The following DOCK1 variants were observed in gnomAD, a reference collection of about 807,000 sequenced individuals.
DOCK1 encodes the protein dedicator of cytokinesis protein 1.
DOCK1 carries 138 observed loss-of-function variants against 262.7 expected under a neutral mutation model. The ratio of observed to expected loss-of-function variants is 0.53; its 90% CI spans 0.46 to 0.61. The LOEUF (loss-of-function observed/expected upper bound fraction) is 0.61, where lower values mean the gene tolerates loss of function less well. Ranked by LOEUF, DOCK1 falls within the 20% of genes least tolerant of loss-of-function variation. The pLI, the probability that DOCK1 is intolerant of heterozygous loss-of-function variation, is 0.00. For synonymous variants in DOCK1, 866 were observed against 867.4 expected, an observed-to-expected ratio of 1.00 and a Z score of 0.03; for missense variants, 1,908 against 2,370.7, an observed-to-expected ratio of 0.80 and a Z score of 4.05.
intron 46 of DOCK1, among the ~76,000 whole-genome samples, chr10:127,424,539 T>C (rs1188400204): frequency 6.6e-6 from 1 of 152,148 alleles, no homozygotes; most frequent in African/African-American, 2.4e-5. Context: ...TGCCTTTGCA[T>C]CCAGAGAGAG....
chr10:127,190,152 C>T (rs2056611359), intron 27 of DOCK1, among the ~76,000 whole-genome samples: 1 of 152,236 alleles, frequency 6.6e-6, no homozygotes, highest in South Asian at 2.1e-4. Flanking sequence ...AATTCAAAGA[C>T]ATTCTTTCTC....
intron 23 of DOCK1, among the ~76,000 whole-genome samples, chr10:127,075,168 T>TAAAAAAAAA (rs1405133567): frequency 3.9e-5 from 1 of 25,972 alleles, no homozygotes; most frequent in Non-Finnish European, 5.8e-5. Flanking sequence ...AAACTCTGTC[T>TAAAAAAAAA]CAAAAAAAAA....
intron 29 of DOCK1, among the ~76,000 whole-genome samples, chr10:127,295,575 A>G (rs113864176): frequency 7.9e-5 from 12 of 152,196 alleles, no homozygotes; most frequent in African/African-American, 2.6e-4. Context: ...ACTCTTAGCT[A>G]CTTGAGGGGC....
intron 1 of DOCK1, among the ~76,000 whole-genome samples, chr10:126,961,604 G>C (rs2037227447): frequency 6.6e-6 from 1 of 152,194 alleles, no homozygotes; most frequent in African/African-American, 2.4e-5. Flanking sequence ...ATTTGTCTGT[G>C]ACTGGCTTAT....
chr10:127,062,840 T>C (rs900924663), intron 23 of DOCK1, among the ~76,000 whole-genome samples: 4 of 152,234 alleles, frequency 2.6e-5, no homozygotes, highest in African/African-American at 9.6e-5. Flanking sequence ...AGTGGATCTT[T>C]GCCTGTGCAG....
At chr10:127,078,142 A>C (rs2046680271) in intron 23 of DOCK1, among the ~76,000 whole-genome samples, 1 of 152,150 alleles carries the variant, frequency 6.6e-6, no homozygotes, top group African/African-American at 2.4e-5. Flanking sequence ...TATTTTATTT[A>C]TGTTTTAAAT....
At chr10:126,927,925 G>A (rs2033883031) in intron 1 of DOCK1, among the ~76,000 whole-genome samples, 1 of 152,186 alleles carries the variant, frequency 6.6e-6, no homozygotes, top group African/African-American at 2.4e-5. Context: ...GGAGAGGTGA[G>A]TGGTCTCAGG....
chr10:127,234,774 A>G (rs1169939774), intron 27 of DOCK1, among the ~76,000 whole-genome samples: 6 of 152,020 alleles, frequency 3.9e-5, no homozygotes, highest in African/African-American at 1.4e-4. Flanking sequence ...ACAATAAAGT[A>G]TTAATTAAAT....
chr10:127,328,561 TGGCAGGGACGCCAGGGACAGCAAGGAC>T (rs1156403911), intron 29 of DOCK1, among the ~76,000 whole-genome samples: 4 of 152,090 alleles, frequency 2.6e-5, no homozygotes, highest in South Asian at 2.1e-4. Flanking sequence ...TTGCCAGGGA[TGGCAGGGACGCCAGGGACAGCAAGGAC>T]GGCAGGGACG....
At chr10:127,048,700 T>C (rs1564761830) in intron 21 of DOCK1, among the ~76,000 whole-genome samples, 2 of 152,204 alleles carry the variant, frequency 1.3e-5, no homozygotes, top group Admixed American at 1.3e-4. Context: ...GTGTTTCAAG[T>C]GCTGAGCCAG....
chr10:127,364,128 T>G (rs993063007), intron 33 of DOCK1, among the ~76,000 whole-genome samples: 17 of 152,186 alleles, frequency 1.1e-4, no homozygotes, highest in Non-Finnish European at 2.2e-4. Flanking sequence ...GCCCCCAGTG[T>G]CTGCAGGACC....
intron 33 of DOCK1, among the ~76,000 whole-genome samples, chr10:127,368,489 C>G (rs1206643072): frequency 6.6e-6 from 1 of 152,122 alleles, no homozygotes; most frequent in East Asian, 1.9e-4. Flanking sequence ...ACCCCCTCGC[C>G]CTGTGCCCAC....
intron 29 of DOCK1, chr10:127,272,004 G>A (rs1290803982): frequency 6.6e-6 from 1 of 152,202 alleles, no homozygotes; most frequent in Non-Finnish European, 1.5e-5. Flanking sequence ...GTGTTTGTAC[G>A]TTTCAGCCAA....
rs144608460 is a variant in DOCK1, at chr10:127,247,186, C to T, written c.2848-822C>T. On this transcript the variant is annotated intron_variant, in intron 27 of 51. Transcript: ENST00000623213. ...ACTGGCTGCCTCCATTTGCAACAGC[C>T]GGAGAGACGTTTCAGCTTTGGCCCT... Among the ~76,000 whole-genome samples the T allele has an allele frequency of 4.4e-3, 675 of 152,300 alleles. 5 individuals are homozygous for T. Among genetic ancestry groups the T allele is most frequent in the African/African-American group, 0.015 (631 of 41,564 alleles).
chr10:127,091,942 C>A (rs1365217350), intron 23 of DOCK1, among the ~76,000 whole-genome samples: 1 of 152,098 alleles, frequency 6.6e-6, no homozygotes, highest in Non-Finnish European at 1.5e-5. Context: ...AACCTGAGGG[C>A]CGGGATGAAT....
At chr10:127,339,733 G>GTGTGTGCGTGTGCA (rs71032552) in intron 30 of DOCK1, among the ~76,000 whole-genome samples, 2 of 109,230 alleles carry the variant, frequency 1.8e-5, no homozygotes, top group African/African-American at 6.7e-5. Context: ...GTGTGTGTGT[G>GTGTGTGCGTGTGCA]TGCATGCTGT....
intron 48 of DOCK1, among the ~76,000 whole-genome samples, chr10:127,435,907 T>G (rs926323417): frequency 1.3e-5 from 2 of 152,134 alleles, no homozygotes; most frequent in African/African-American, 4.8e-5. Context: ...AATATGAAAA[T>G]TTAAAACTCC....
intron 1 of DOCK1, among the ~76,000 whole-genome samples, chr10:126,960,135 T>C (rs1391189055): frequency 2.0e-5 from 3 of 152,158 alleles, no homozygotes; most frequent in Non-Finnish European, 2.9e-5. Flanking sequence ...TTCCAGTGGG[T>C]TTAACATTCA....
chr10:127,372,300 CAG>C (rs1382626546), intron 33 of DOCK1, among the ~76,000 whole-genome samples: 1 of 152,176 alleles, frequency 6.6e-6, no homozygotes, highest in Non-Finnish European at 1.5e-5. Context: ...AATTGCTTCT[CAG>C]GGGTCCACAG....
Sources: gnomAD v4.1 joint callset for allele counts (sites outside exome capture counted in the v4.1 genomes callset) on GRCh38, gnomAD v4.1.1 for gene constraint, MANE v1.5 for transcripts, NCBI Gene and HGNC (gene_info 2026-07-23, HGNC 2026-07-21) for gene names.